Variants in GLCE observed in about 807,000 individuals in gnomAD.
GLCE encodes glucuronic acid epimerase.
A neutral mutation model predicts 47.9 loss-of-function variants in GLCE; 19 were observed. That is an observed-to-expected ratio of 0.40 (90% CI 0.28 to 0.58). The LOEUF (loss-of-function observed/expected upper bound fraction) is 0.58. Among genes scored for constraint, GLCE ranks in the 20% least tolerant of loss-of-function variants. The pLI is 0.48. For missense variants in GLCE, 556 were observed against 743.3 expected, an observed-to-expected ratio of 0.75 and a Z score of 2.93; for synonymous variants, 245 against 263.4, an observed-to-expected ratio of 0.93 and a Z score of 0.68.
At chr15:69,198,342 TA>T (rs1047886013) in intron 1 of GLCE, among the ~76,000 whole-genome samples, 1 of 152,196 alleles carries the variant, frequency 6.6e-6, no homozygotes, top group Admixed American at 6.5e-5. Context: ...CTTTAAAACA[TA>T]GCCACTCAAA....
At chr15:69,227,947 GTTA>G (rs1255119867) in intron 2 of GLCE, among the ~76,000 whole-genome samples, 1 of 152,188 alleles carries the variant, frequency 6.6e-6, no homozygotes, top group Non-Finnish European at 1.5e-5. Context: ...TCTAGGAAGA[GTTA>G]TTAGAGTACT....
rs550602004 is a variant in GLCE at position 69,160,992 on chromosome 15, G to A, written c.-105+235G>A. On this transcript the variant is annotated intron_variant, in intron 1 of 4. Coordinates refer to ENST00000261858, the MANE Select transcript of GLCE (RefSeq NM_015554.3). The surrounding 1 kb of genome is among the most constrained non-coding windows in gnomAD (Gnocchi z 4.2). ...GGTGCCGGAGCTCCCGAGGTGAGGG[G>A]GCAATGTATTAGGGATCCTGGGGGC... Among the ~76,000 whole-genome samples the A allele has an allele frequency of 5.5e-4, 84 of 152,056 alleles. No individual in the cohort carries two copies. Among genetic ancestry groups the A allele is most frequent in the African/African-American group, 1.9e-3 (80 of 41,496 alleles).
chr15:69,178,540 A>T (rs2051705735), intron 1 of GLCE, among the ~76,000 whole-genome samples: 1 of 152,164 alleles, frequency 6.6e-6, no homozygotes, highest in Non-Finnish European at 1.5e-5. Flanking sequence ...TGGAGTTCTC[A>T]GAACAATATC....
intron 3 of GLCE, 127 bp from the exon 4 acceptor site, chr15:69,260,960 A>G (rs1336585470): frequency 4.8e-6 from 4 of 841,136 alleles, no homozygotes; most frequent in Non-Finnish European, 5.5e-6. Context: ...GAGCAGTATT[A>G]TAAGGAAGCC....
At chr15:69,267,106 T>C (rs2140458105) in intron 4 of GLCE, among the ~76,000 whole-genome samples, 1 of 152,352 alleles carries the variant, frequency 6.6e-6, no homozygotes, top group South Asian at 2.1e-4. Flanking sequence ...TCTTGGTAGA[T>C]CTAGATGAGC....
At chr15:69,211,609 C>G (rs746389152) in intron 2 of GLCE, among the ~76,000 whole-genome samples, 57 of 151,712 alleles carry the variant, frequency 3.8e-4, no homozygotes, top group Admixed American at 9.2e-4. Flanking sequence ...AAAATCTTTG[C>G]TACCCTCCTC....
rs778659402 is a variant in GLCE, at chr15:69,256,145, T to A, written c.339T>A (p.Asp113Glu). ...AAGAAATTGACTGTCTCATAAATGA[T>A]GAACACACAATTAAAGGGAGACGAG... ...KYEEIDCLIN[D>E]EHTIKGRREG... is the part of the protein sequence containing the mutation. Residue 113 changes from aspartate to glutamate, a missense_variant, in exon 3 of 5, where the codon GAT (aspartate) becomes GAA (glutamate). By Grantham distance (45) the Asp-to-Glu change is conservative. Transcript: ENST00000261858. 6.2e-7 allele frequency: 1 copy of A among 1,614,004 alleles called. No homozygotes were observed. Among genetic ancestry groups the A allele is most frequent in the South Asian group, 1.1e-5 (1 of 91,080 alleles).
intron 1 of GLCE, among the ~76,000 whole-genome samples, chr15:69,186,123 A>G (rs2051819598): frequency 6.6e-6 from 1 of 152,112 alleles, no homozygotes; most frequent in South Asian, 2.1e-4. Context: ...GAACCTCCGT[A>G]TGTTCAGCTA....
Position 69,256,404 on chromosome 15 carries a change from T to C in GLCE, c.586+12T>C, listed in dbSNP as rs1195521080. 6.5e-7 allele frequency: 1 copy of C among 1,539,932 alleles called. No homozygotes were observed. Among genetic ancestry groups the C allele is most frequent in the East Asian group, 2.3e-5 (1 of 44,430 alleles). ...AAGTGGGGTTGAAGGTTGGTATCTG[T>C]CTGCTTCACTTGCATTTTTCAAGCA... On this transcript the variant is annotated intron_variant, in intron 3 of 4. Transcript: ENST00000261858.
intron 1 of GLCE, among the ~76,000 whole-genome samples, chr15:69,170,498 ATATATG>A (rs1204133401): frequency 6.6e-6 from 1 of 152,180 alleles, no homozygotes; most frequent in Non-Finnish European, 1.5e-5. Flanking sequence ...GACTATGCAT[ATATATG>A]TATATGTGTA....
intron 2 of GLCE, among the ~76,000 whole-genome samples, chr15:69,213,941 A>T (rs1043738997): frequency 2.0e-5 from 3 of 152,012 alleles, no homozygotes; most frequent in African/African-American, 2.4e-5. Flanking sequence ...GTTGTTATTT[A>T]TTTTGTTGCT....
chr15:69,254,220 T>A (rs2052888962), intron 2 of GLCE, among the ~76,000 whole-genome samples: 1 of 152,192 alleles, frequency 6.6e-6, no homozygotes. Flanking sequence ...CCCTTTACTC[T>A]CAGCAGGCTG....
rs117136097 is a variant in GLCE, at chr15:69,244,718, G to A, written c.-13-11076G>A. Among the ~76,000 whole-genome samples, 1,031 of 152,100 alleles carry A rather than the reference G, an allele frequency of 6.8e-3. 3 individuals carry two copies. Among genetic ancestry groups the A allele is most frequent in the Non-Finnish European group, 0.012 (805 of 68,008 alleles). Reference sequence around the variant, plus strand: ...AATTACTTAACATCACAATGCCTTAGTTTCATCATCTGTAAGTAGGGAATG... The same window carrying A: ...AATTACTTAACATCACAATGCCTTAATTTCATCATCTGTAAGTAGGGAATG... On this transcript the variant is annotated intron_variant, in intron 2 of 4. Coordinates refer to ENST00000261858, the MANE Select transcript of GLCE (RefSeq NM_015554.3).
intron 2 of GLCE, among the ~76,000 whole-genome samples, chr15:69,250,487 T>G (rs924433843): frequency 6.6e-6 from 1 of 152,146 alleles, no homozygotes; most frequent in African/African-American, 2.4e-5. Context: ...TTAACAAAGT[T>G]AACCTTCCCC....
chr15:69,204,146 G>T (rs929929770), intron 1 of GLCE, among the ~76,000 whole-genome samples: 1 of 151,974 alleles, frequency 6.6e-6, no homozygotes, highest in African/African-American at 2.4e-5. Flanking sequence ...GTACGATAAA[G>T]AAATTCTTGC....
At chr15:69,262,634 A>T (rs970197721) in intron 4 of GLCE, among the ~76,000 whole-genome samples, 11 of 152,142 alleles carry the variant, frequency 7.2e-5, no homozygotes, top group African/African-American at 2.7e-4. Flanking sequence ...GGGTGCTTTG[A>T]GTAATACAAA....
At chr15:69,196,935 A>G in intron 1 of GLCE, 2 of 204,420 alleles carry the variant, frequency 9.8e-6, no homozygotes, top group Non-Finnish European at 2.0e-5. Context: ...TGGACTGAGA[A>G]GAAGCTCCAG....
chr15:69,247,870 C>T (rs2052775419), intron 2 of GLCE, among the ~76,000 whole-genome samples: 2 of 152,110 alleles, frequency 1.3e-5, no homozygotes, highest in Non-Finnish European at 2.9e-5. Flanking sequence ...TATATGAGTA[C>T]AGTTAATAGT....
rs996561431 is a variant in GLCE, at chr15:69,212,903, G to T, written c.-14+2497G>T. 2.6e-5 allele frequency among the ~76,000 whole-genome samples: 4 copies of T among 151,914 alleles called. No individual in the cohort carries two copies. In the South Asian group the frequency reaches 8.3e-4, roughly 31 times the overall value. On this transcript the variant is annotated intron_variant, in intron 2 of 4. Coordinates refer to ENST00000261858, the MANE Select transcript of GLCE (RefSeq NM_015554.3). ...TCTTACTTTAGTTGACCACTATGGG[G>T]TTTTCTTTAAAATGTTAAATAATGT...
Sources: gnomAD v4.1 joint callset for allele counts (sites outside exome capture counted in the v4.1 genomes callset) on GRCh38, gnomAD v4.1.1 for gene constraint, Gnocchi (gnomAD v3.1) non-coding constraint, MANE v1.5 for transcripts, NCBI Gene and HGNC (gene_info 2026-07-23, HGNC 2026-07-21) for gene names.